Variants in GFRA2 observed in about 807,000 individuals in gnomAD.
GFRA2 encodes GDNF family receptor alpha 2.
In GFRA2, 17 loss-of-function variants were observed where a neutral mutation model predicts 48.3. The ratio of observed to expected loss-of-function variants is 0.35; its 90% confidence interval spans 0.24 to 0.53. The LOEUF (loss-of-function observed/expected upper bound fraction) is 0.53, where lower values mean the gene tolerates loss of function less well. Among genes scored for constraint, GFRA2 ranks in the 20% least tolerant of loss-of-function variants. The pLI is 0.93. For synonymous variants in GFRA2, 305 were observed against 257.2 expected, an observed-to-expected ratio of 1.19 and a Z score of -1.78; for missense variants, 660 against 637.3, an observed-to-expected ratio of 1.04 and a Z score of -0.38.
Position 21,692,914 on chromosome 8 carries a change from A to G in GFRA2, c.*364T>C. On this transcript the variant is annotated 3_prime_UTR_variant, in exon 9 of 9. Coordinates refer to ENST00000524240, the MANE Select transcript of GFRA2 (RefSeq NM_001495.5). The stretch of plus-strand genomic sequence containing the variant: ...TGTTGTCCTGCCCCCAGCCAGCCTC[A>G]GGCACAGCCCAGAGTCCCTTCCGCT... 6.3e-6 allele frequency: 1 copy of G among 158,188 alleles called. No homozygotes were observed. The highest frequency in any genetic ancestry group is 1.4e-5 in the Non-Finnish European group (1 of 71,906). The allele number at this position is 158,188 out of a possible 1,614,324, so 9.8% of individuals were successfully genotyped here. A position where few individuals can be genotyped will look rare whatever the true frequency, so the allele number is the denominator to read the frequency against.
chr8:21,776,231 C>A (rs1403968652), intron 2 of GFRA2, among the ~76,000 whole-genome samples: 2 of 152,086 alleles, frequency 1.3e-5, no homozygotes, highest in African/African-American at 2.4e-5. Context: ...GAGGCTGGAA[C>A]TGGAGACTCA....
At chr8:21,782,535 T>C (rs1056550494) in intron 2 of GFRA2, 50 bp downstream of exon 2, 8 of 1,407,534 alleles carry the variant, frequency 5.7e-6, no homozygotes, top group African/African-American at 5.7e-5. Flanking sequence ...ACACGTCCTC[T>C]CTGCCTGCGC....
At chr8:21,715,910 C>G (rs1252522543) in intron 4 of GFRA2, among the ~76,000 whole-genome samples, 2 of 151,726 alleles carry the variant, frequency 1.3e-5, no homozygotes, top group South Asian at 2.1e-4. Context: ...AGAGAGAGAC[C>G]AAGACCTATC....
At chr8:21,702,510 A>ACAGC (rs1240345318) in intron 7 of GFRA2, among the ~76,000 whole-genome samples, 10 of 152,236 alleles carry the variant, frequency 6.6e-5, no homozygotes, top group South Asian at 4.1e-4. Context: ...TGCCCCACAC[A>ACAGC]CAGCCAGGAC....
intron 2 of GFRA2, among the ~76,000 whole-genome samples, chr8:21,800,845 G>C (rs1021047965): frequency 6.6e-5 from 10 of 151,412 alleles, no homozygotes; most frequent in Admixed American, 5.9e-4. Context: ...AGGATGGCTT[G>C]AGCCCAAAAA....
intron 7 of GFRA2, among the ~76,000 whole-genome samples, chr8:21,700,092 CAAG>C (rs1366167932): frequency 6.6e-6 from 1 of 152,090 alleles, no homozygotes; most frequent in Non-Finnish European, 1.5e-5. Context: ...GAGGAGTGGA[CAAG>C]GAGAGACGTC....
At chr8:21,699,890 G>T (rs144638349) in intron 7 of GFRA2, among the ~76,000 whole-genome samples, 277 of 152,344 alleles carry the variant, frequency 1.8e-3, no homozygotes, top group Middle Eastern at 6.8e-3. Context: ...GCTACGCAGG[G>T]TGACGCAGGA....
intron 7 of GFRA2, among the ~76,000 whole-genome samples, chr8:21,701,982 C>T (rs559468692): frequency 1.6e-4 from 25 of 152,250 alleles, no homozygotes; most frequent in African/African-American, 5.3e-4. Context: ...ATGGGCCGGT[C>T]CAAGAGGCTC....
Position 21,760,307 on chromosome 8 carries a change from A to G in GFRA2, c.440-9365T>C, listed in dbSNP as rs189410846. ...GGTATATCTGAGGGTTTGAAGCAGA[A>G]AAGGAGACCAGTCACAGGCTGCTGA... On this transcript the variant is annotated intron_variant, in intron 3 of 8. Coordinates refer to ENST00000524240, the MANE Select transcript of GFRA2 (RefSeq NM_001495.5). 3.3e-5 allele frequency among the ~76,000 whole-genome samples: 5 copies of G among 152,346 alleles called. No homozygotes were observed. In the East Asian group the frequency reaches 9.6e-4, roughly 29 times the overall value.
intron 1 of GFRA2, among the ~76,000 whole-genome samples, chr8:21,785,962 T>C (rs1318474490): frequency 4.6e-5 from 7 of 151,208 alleles, no homozygotes; most frequent in African/African-American, 1.7e-4. Flanking sequence ...AGGGCTGAAG[T>C]TTCCTAAACA....
At chr8:21,784,912 C>T (rs1417679604) in intron 1 of GFRA2, among the ~76,000 whole-genome samples, 1 of 152,150 alleles carries the variant, frequency 6.6e-6, no homozygotes, top group African/African-American at 2.4e-5. Context: ...TACAGCCGGG[C>T]CCCCCAAGAG....
chr8:21,750,577 G>A lies in GFRA2; in HGVS notation c.794+11C>T, dbSNP rs766563326. ...TCCTGCCAGCACCACCGGGGCTGCC[G>A]CGGCACTCACCGACACAGGTGGTCA... On this transcript the variant is annotated intron_variant, in intron 4 of 8. Coordinates refer to ENST00000524240, the MANE Select transcript of GFRA2 (RefSeq NM_001495.5). The surrounding 1 kb of genome is among the most constrained non-coding windows in gnomAD (Gnocchi z 5.7). The A allele has an allele frequency of 2.3e-5, 35 of 1,541,134 alleles. No individual in the cohort carries two copies. Among genetic ancestry groups the A allele is most frequent in the African/African-American group, 4.1e-5 (3 of 73,150 alleles).
chr8:21,799,579 T>C (rs1027147823), intron 2 of GFRA2, among the ~76,000 whole-genome samples: 35 of 152,226 alleles, frequency 2.3e-4, no homozygotes, highest in African/African-American at 8.4e-4. Context: ...AGTCTAATTC[T>C]ATAAAGACTC....
intron 4 of GFRA2, among the ~76,000 whole-genome samples, chr8:21,724,609 G>A (rs1019463528): frequency 1.3e-5 from 2 of 152,170 alleles, no homozygotes; most frequent in Non-Finnish European, 2.9e-5. Flanking sequence ...GAGACCAGAT[G>A]GTTGGTGATC....
In GFRA2 at chr8:21,788,827, C is replaced by T; in HGVS notation, c.-668G>A. The T allele has an allele frequency of 1.0e-6, 1 of 982,180 alleles. No homozygotes were observed. The highest frequency in any genetic ancestry group is 1.2e-6 in the Non-Finnish European group (1 of 826,884). 60.8% of individuals were successfully genotyped at this position (982,180 alleles called of 1,614,324 possible). ...GTGTGTCTTTCTCTCTCCTCTCTCT[C>T]TCTCTCCTCTCCCTCGCTCGCTCTT... is the stretch of plus-strand genomic sequence containing the variant. On this transcript the variant is annotated 5_prime_UTR_variant, in exon 1 of 9. Coordinates refer to ENST00000524240, the MANE Select transcript of GFRA2 (RefSeq NM_001495.5).
chr8:21,747,677 T>C (rs888410704), intron 4 of GFRA2, among the ~76,000 whole-genome samples: 2 of 151,466 alleles, frequency 1.3e-5, no homozygotes, highest in African/African-American at 4.9e-5. Context: ...CCCTGGTTCC[T>C]TCTGAAGAAG....
At chr8:21,762,444 T>C (rs1805960168) in intron 3 of GFRA2, among the ~76,000 whole-genome samples, 1 of 152,182 alleles carries the variant, frequency 6.6e-6, no homozygotes, top group Admixed American at 6.5e-5. Context: ...CAAGCTTCTT[T>C]ATAATCTCAA....
intron 7 of GFRA2, among the ~76,000 whole-genome samples, chr8:21,695,593 T>C (rs1802123637): frequency 6.6e-6 from 1 of 151,332 alleles, no homozygotes; most frequent in African/African-American, 2.4e-5. Context: ...GAACCAGGAG[T>C]GTCCCCAGGT....
intron 4 of GFRA2, among the ~76,000 whole-genome samples, chr8:21,713,036 C>CGAGGGA (rs372501854): frequency 2.1e-5 from 3 of 145,728 alleles, no homozygotes; most frequent in Non-Finnish European, 4.6e-5. Context: ...GAGAGGGAGA[C>CGAGGGA]GAGGGAGAGG....
Sources: gnomAD v4.1 joint callset for allele counts (sites outside exome capture counted in the v4.1 genomes callset) on GRCh38, gnomAD v4.1.1 for gene constraint, Gnocchi (gnomAD v3.1) non-coding constraint, MANE v1.5 for transcripts, NCBI Gene and HGNC (gene_info 2026-07-23, HGNC 2026-07-21) for gene names.